PAX2: variants seen among roughly 807,000 people sequenced by gnomAD.
PAX2 encodes paired box 2, also known as paired box protein Pax-2.
In PAX2, 9 loss-of-function variants were observed where a neutral mutation model predicts 41.7. The observed-to-expected ratio is 0.22, with a 90% CI of 0.13 to 0.38. PAX2 has a LOEUF of 0.38. PAX2 is among the 10% of genes least tolerant of loss of function. The pLI is 1.00. For missense variants in PAX2, 418 were observed against 531.6 expected (o/e 0.79, Z 2.10); for synonymous variants, 221 against 212.7 (o/e 1.04, Z -0.34).
In PAX2 at chr10:100,826,926, C is replaced by T. The variant is rs576407121; in HGVS notation, c.1022-83C>T. 42 of 911,534 alleles carry T rather than the reference C, an allele frequency of 4.6e-5. No individual in the cohort carries two copies. In the African/African-American group the frequency reaches 6.2e-4, roughly 14 times the overall value. 56.5% of individuals were successfully genotyped at this position (911,534 alleles called of 1,614,324 possible). The stretch of plus-strand genomic sequence containing the variant: ...TGCGCCTGAGACCCGGCGGGAGGAG[C>T]GGGCGGAGAAGCCACCGGCCGGACT... On this transcript the variant is annotated intron_variant, in intron 8 of 9. Coordinates refer to ENST00000355243, the MANE Select transcript of PAX2 (RefSeq NM_000278.5). This position sits in a 1 kb window ranked among gnomAD's most constrained non-coding sequence, Gnocchi z 5.5.
intron 5 of PAX2, 85 bp downstream of exon 5, chr10:100,781,450 C>A (rs1236476283): frequency 7.1e-7 from 1 of 1,408,726 alleles, no homozygotes; most frequent in Non-Finnish European, 1.0e-6. Flanking sequence ...GGCCTCGCAG[C>A]TGCTCTGCTG....
chr10:100,778,378 C>T (rs868207131), intron 3 of PAX2, among the ~76,000 whole-genome samples: 23 of 152,324 alleles, frequency 1.5e-4, no homozygotes, highest in African/African-American at 4.1e-4. Flanking sequence ...CTGATTCCCT[C>T]GGGTAACTGA....
rs142342077 is a variant in PAX2, at chr10:100,794,135, A to G, written c.617-12295A>G. On this transcript the variant is annotated intron_variant, in intron 5 of 9. Transcript: ENST00000355243. ...TCCTGTCTTATCTGCCACTCACCAT[A>G]GAACTCTTTCCTCCAACAGTTCTGC... 6.0e-4 allele frequency among the ~76,000 whole-genome samples: 91 copies of G among 152,310 alleles called. 1 individual carries two copies. The highest frequency in any genetic ancestry group is 3.3e-3 in the East Asian group (17 of 5,166).
At chr10:100,740,397 AC>A (rs1844911641) in intron 1 of PAX2, among the ~76,000 whole-genome samples, 1 of 152,186 alleles carries the variant, frequency 6.6e-6, no homozygotes, top group African/African-American at 2.4e-5. Context: ...AGAACGATAA[AC>A]CTGGACAGGT....
intron 5 of PAX2, among the ~76,000 whole-genome samples, chr10:100,783,993 G>A (rs779403463): frequency 6.6e-6 from 1 of 152,072 alleles, no homozygotes; most frequent in Non-Finnish European, 1.5e-5. Context: ...CTATGAGGGA[G>A]ACCAGTTCTC....
chr10:100,814,563 G>C (rs1026060244), intron 7 of PAX2, among the ~76,000 whole-genome samples: 2 of 152,214 alleles, frequency 1.3e-5, no homozygotes, highest in African/African-American at 4.8e-5. Flanking sequence ...TCTGAAAGTA[G>C]AGCCTGTTCC....
intron 7 of PAX2, among the ~76,000 whole-genome samples, chr10:100,816,199 T>C (rs556358820): frequency 1.8e-4 from 27 of 152,288 alleles, no homozygotes; most frequent in African/African-American, 6.3e-4. Flanking sequence ...TTCTAAGAAA[T>C]CAATGATCTT....
At chr10:100,763,878 T>C (rs1436933183) in intron 3 of PAX2, among the ~76,000 whole-genome samples, 1 of 152,182 alleles carries the variant, frequency 6.6e-6, no homozygotes, top group African/African-American at 2.4e-5. Flanking sequence ...GGGTACTGGG[T>C]CCACCTTATA....
At chr10:100,793,028 C>T (rs886314073) in intron 5 of PAX2, among the ~76,000 whole-genome samples, 5 of 152,172 alleles carry the variant, frequency 3.3e-5, no homozygotes, top group Non-Finnish European at 4.4e-5. Context: ...ATACTTAGGG[C>T]GGCCTGGTAT....
chr10:100,749,701 C>T (rs1271578549), intron 1 of PAX2, 45 bp from the exon 2 acceptor site: 1 of 1,590,070 alleles, frequency 6.3e-7, no homozygotes, highest in Non-Finnish European at 8.6e-7. Flanking sequence ...ATGGCCGGTC[C>T]CTGCTGTGTG....
At chr10:100,808,125 A>T (rs756640533) in intron 6 of PAX2, among the ~76,000 whole-genome samples, 1 of 152,228 alleles carries the variant, frequency 6.6e-6, no homozygotes, top group Non-Finnish European at 1.5e-5. Flanking sequence ...AGCAGGGCCC[A>T]TAAAGCAAAT....
At position 100,826,872 on chromosome 10, in the gene PAX2, G is replaced by A. The variant is rs1449402043; in HGVS notation, c.1022-137G>A. On this transcript the variant is annotated intron_variant, in intron 8 of 9. Transcript: ENST00000355243. This position sits in a 1 kb window ranked among gnomAD's most constrained non-coding sequence, Gnocchi z 5.5. ...CGCCCCACCTCCGCCCGGCCCGCCCGCCACGGCCATTACCCTGCCCGCGAC... is the reference window on the plus strand; with the variant it reads ...CGCCCCACCTCCGCCCGGCCCGCCCACCACGGCCATTACCCTGCCCGCGAC... 10 of 670,944 alleles carry A rather than the reference G, an allele frequency of 1.5e-5. No individual in the cohort carries two copies. The highest frequency in any genetic ancestry group is 2.7e-5 in the Non-Finnish European group (10 of 373,564). The allele number at this position is 670,944 out of a possible 1,614,324, so 41.6% of individuals were successfully genotyped here. A position where few individuals can be genotyped will look rare whatever the true frequency, so the allele number is the denominator to read the frequency against.
At position 100,828,345 on chromosome 10, in the gene PAX2, G is replaced by T. The variant is rs1848660359; in HGVS notation, c.*726G>T. The stretch of plus-strand genomic sequence containing the variant: ...CCAGCAGCCCGCACCGATCGAGCCG[G>T]ACTCTCGGCTCTTCACTGCTCCTCC... On this transcript the variant is annotated 3_prime_UTR_variant, in exon 10 of 10. Coordinates refer to ENST00000355243, the MANE Select transcript of PAX2 (RefSeq NM_000278.5). The surrounding 1 kb of genome is among the most constrained non-coding windows in gnomAD (Gnocchi z 6.5). The T allele has an allele frequency of 2.6e-5, 6 of 232,970 alleles. No individual in the cohort carries two copies. In the East Asian group the frequency reaches 3.6e-4, roughly 14 times the overall value. The allele number at this position is 232,970 out of a possible 1,614,324, so 14.4% of individuals were successfully genotyped here.
intron 5 of PAX2, among the ~76,000 whole-genome samples, chr10:100,795,532 C>T (rs1847294170): frequency 6.6e-6 from 1 of 152,212 alleles, no homozygotes. Flanking sequence ...TTTGTGAGTG[C>T]GTGCAAGCTC....
At chr10:100,762,547 G>A (rs1327739813) in intron 3 of PAX2, among the ~76,000 whole-genome samples, 6 of 152,130 alleles carry the variant, frequency 3.9e-5, no homozygotes, top group Admixed American at 3.9e-4. Context: ...CCTATTTACT[G>A]AGAACATAAA....
chr10:100,821,675 G>T lies in PAX2; in HGVS notation c.920-2973G>T, dbSNP rs114982765. On this transcript the variant is annotated intron_variant, in intron 7 of 9. Coordinates refer to ENST00000355243, the MANE Select transcript of PAX2 (RefSeq NM_000278.5). ...AAACATCTTTCTAGTTATCCAGCCT[G>T]TCTTCCTTCCTCCTGAAGTGAGGTA... 5.0e-3 allele frequency among the ~76,000 whole-genome samples: 755 copies of T among 152,362 alleles called. 5 individuals carry two copies. Among genetic ancestry groups the T allele is most frequent in the African/African-American group, 0.017 (718 of 41,588 alleles).
At chr10:100,763,265 T>G (rs1297832037) in intron 3 of PAX2, among the ~76,000 whole-genome samples, 1 of 152,242 alleles carries the variant, frequency 6.6e-6, no homozygotes, top group African/African-American at 2.4e-5. Flanking sequence ...AACCAAAACT[T>G]CAGTCAATCA....
In PAX2 at chr10:100,748,343, G is replaced by T. The variant is rs1845284881; in HGVS notation, c.44-1403G>T. ...AGGGAGATTAACGGGGTGGGCAAGGGGGTAAAAGAAGGGGCTTCAGTCTCT... is the reference window on the plus strand; with the variant it reads ...AGGGAGATTAACGGGGTGGGCAAGGTGGTAAAAGAAGGGGCTTCAGTCTCT... On this transcript the variant is annotated intron_variant, in intron 1 of 9. Coordinates refer to ENST00000355243, the MANE Select transcript of PAX2 (RefSeq NM_000278.5). This position sits in a 1 kb window ranked among gnomAD's most constrained non-coding sequence, Gnocchi z 5.0. 2.0e-6 allele frequency: 2 copies of T among 984,704 alleles called. No individual in the cohort carries two copies. Among genetic ancestry groups the T allele is most frequent in the Non-Finnish European group, 1.2e-6 (1 of 829,418 alleles). 61.0% of individuals were successfully genotyped at this position (984,704 alleles called of 1,614,324 possible).
In PAX2 at chr10:100,781,264, C is replaced by T. The variant is rs1589848061; in HGVS notation, c.515C>T (p.Pro172Leu). ...CATCCAGTTCCCAGCACGGCCTCCC[C>T]TCCTGTTTCCAGCGCCTCCAATGAC... is the stretch of plus-strand genomic sequence containing the variant. Reference protein sequence around the residue: ...GHTIVPSTASPPVSSASNDPV... With the variant: ...GHTIVPSTASLPVSSASNDPV... The change falls in exon 5 of 10, where the codon CCT becomes CTT. Residue 172 changes from proline (P) to leucine (L), a missense_variant. By Grantham distance (98) the Pro-to-Leu change is moderately conservative. Coordinates refer to ENST00000355243, the MANE Select transcript of PAX2 (RefSeq NM_000278.5). 6.2e-7 allele frequency: 1 copy of T among 1,614,056 alleles called. No homozygotes were observed. Among genetic ancestry groups the T allele is most frequent in the Non-Finnish European group, 8.5e-7 (1 of 1,179,884 alleles).
Sources: gnomAD v4.1 joint callset for allele counts (sites outside exome capture counted in the v4.1 genomes callset) on GRCh38, gnomAD v4.1.1 for gene constraint, Gnocchi (gnomAD v3.1) non-coding constraint, MANE v1.5 for transcripts, NCBI Gene and HGNC (gene_info 2026-07-23, HGNC 2026-07-21) for gene names.